LRBA: variants seen among roughly 807,000 people sequenced by gnomAD.
LRBA encodes LPS responsive beige-like anchor protein.
Under a neutral mutation model 330.0 loss-of-function variants are expected in LRBA, and 176 were observed. The ratio of observed to expected loss-of-function variants is 0.53; its 90% CI spans 0.47 to 0.60. The LOEUF (loss-of-function observed/expected upper bound fraction) is 0.60, where lower values mean the gene tolerates loss of function less well. LRBA is among the 20% of genes least tolerant of loss of function. The pLI, the probability that LRBA is intolerant of heterozygous loss-of-function variation, is 0.00. For missense variants in LRBA, 3,259 were observed against 3,444.8 expected, an observed-to-expected ratio of 0.95 and a Z score of 1.35; for synonymous variants, 1,230 against 1,193.0, an observed-to-expected ratio of 1.03 and a Z score of -0.64.
At chr4:150,559,713 TTATAG>T (rs1256502845) in intron 40 of LRBA, among the ~76,000 whole-genome samples, 1 of 89,640 alleles carries the variant, frequency 1.1e-5, no homozygotes, top group African/African-American at 4.7e-5. Flanking sequence ...TTATATAATA[TTATAG>T]ATTATATAAT....
chr4:150,629,654 C>T lies in LRBA; in HGVS notation c.5922-30523G>A, dbSNP rs187126629. On this transcript the variant is annotated intron_variant, in intron 37 of 56. Coordinates refer to ENST00000651943, the MANE Select transcript of LRBA (RefSeq NM_001364905.1). ...AAGACCCTGTGTAAACAAAATAAAA[C>T]AATAAAAAGGTATATAAAGAAATAC... is the stretch of plus-strand genomic sequence containing the variant. Among the ~76,000 whole-genome samples, 610 of 151,496 alleles carry T rather than the reference C, an allele frequency of 4.0e-3. 24 individuals carry two copies. Among genetic ancestry groups the T allele is most frequent in the Admixed American group, 0.038 (578 of 15,176 alleles).
chr4:150,320,040 G>T (rs879614423), intron 50 of LRBA, among the ~76,000 whole-genome samples: 5 of 152,130 alleles, frequency 3.3e-5, no homozygotes, highest in Non-Finnish European at 7.4e-5. Context: ...ATCTCCAGAA[G>T]TTTAAAAGAT....
In LRBA at chr4:150,583,644, C is replaced by T. The variant is rs1475058167; in HGVS notation, c.6330+4404G>A. The stretch of plus-strand genomic sequence containing the variant: ...CCAATCGGGTGGCCGAGGTCAAGGC[C>T]GAAGGGTTCAACTTGCTCTCGAAGG... On this transcript the variant is annotated intron_variant, in intron 40 of 56. Coordinates refer to ENST00000651943, the MANE Select transcript of LRBA (RefSeq NM_001364905.1). This position sits in a 1 kb window ranked among gnomAD's most constrained non-coding sequence, Gnocchi z 9.8. The T allele has an allele frequency of 1.2e-6, 2 of 1,613,890 alleles. No individual in the cohort carries two copies. The highest frequency in any genetic ancestry group is 3.3e-5 in the Admixed American group (2 of 60,004).
At chr4:150,384,808 G>T (rs1266278236) in intron 47 of LRBA, among the ~76,000 whole-genome samples, 3 of 151,798 alleles carry the variant, frequency 2.0e-5, no homozygotes, top group Non-Finnish European at 2.9e-5. Flanking sequence ...GGAGGAAGGA[G>T]ATAAGGGCTT....
intron 40 of LRBA, among the ~76,000 whole-genome samples, chr4:150,555,788 A>ACACACAC (rs1554054001): frequency 1.5e-4 from 15 of 101,184 alleles, no homozygotes; most frequent in African/African-American, 4.4e-4. Flanking sequence ...CACACACACA[A>ACACACAC]ACAAATAGAA....
In LRBA at chr4:150,609,039, G is replaced by A. The variant is rs545449028; in HGVS notation, c.5922-9908C>T. 9.2e-5 allele frequency among the ~76,000 whole-genome samples: 14 copies of A among 152,258 alleles called. No homozygotes were observed. In the South Asian group the frequency reaches 1.9e-3, roughly 20 times the overall value. On this transcript the variant is annotated intron_variant, in intron 37 of 56. Transcript: ENST00000651943. ...ACTTGAGTTGTTTCCATTTTGTGGG[G>A]ATCTTTGGGTTTTACGATGAGAAAA...
intron 2 of LRBA, among the ~76,000 whole-genome samples, chr4:150,952,029 G>A (rs1364895260): frequency 6.6e-6 from 1 of 152,166 alleles, no homozygotes; most frequent in Non-Finnish European, 1.5e-5. Flanking sequence ...GTTTGCAAAT[G>A]TATCTTCCAT....
chr4:150,922,532 G>A (rs578115635), intron 4 of LRBA, among the ~76,000 whole-genome samples: 27 of 152,096 alleles, frequency 1.8e-4, no homozygotes, highest in African/African-American at 6.5e-4. Flanking sequence ...AAACCAAACA[G>A]TGTATGTTCT....
chr4:150,389,117 T>C (rs540381738), intron 47 of LRBA, among the ~76,000 whole-genome samples: 5 of 152,222 alleles, frequency 3.3e-5, no homozygotes, highest in South Asian at 4.2e-4. Flanking sequence ...TTGTAAAAGA[T>C]CCAAAAGAAT....
At chr4:150,534,519 A>T (rs1764431934) in intron 40 of LRBA, among the ~76,000 whole-genome samples, 1 of 151,976 alleles carries the variant, frequency 6.6e-6, no homozygotes, top group African/African-American at 2.4e-5. Flanking sequence ...ATTACCTGTC[A>T]TAGTTACATT....
chr4:150,799,984 A>T (rs1419589301), intron 33 of LRBA, among the ~76,000 whole-genome samples: 1 of 152,234 alleles, frequency 6.6e-6, no homozygotes, highest in Admixed American at 6.5e-5. Context: ...ACCTCAGGTG[A>T]TTCGCCAACC....
chr4:150,977,736 T>G (rs917834381), intron 2 of LRBA, among the ~76,000 whole-genome samples: 1 of 152,174 alleles, frequency 6.6e-6, no homozygotes, highest in African/African-American at 2.4e-5. Context: ...CCTTGGGCCT[T>G]AAGCGAACAT....
intron 31 of LRBA, among the ~76,000 whole-genome samples, chr4:150,816,345 C>T (rs1744588825): frequency 6.6e-6 from 1 of 151,952 alleles, no homozygotes; most frequent in East Asian, 1.9e-4. Flanking sequence ...GCAAAATATC[C>T]AGAAGAAAAC....
intron 40 of LRBA, among the ~76,000 whole-genome samples, chr4:150,502,205 A>T (rs951358213): frequency 2.0e-5 from 3 of 152,200 alleles, no homozygotes; most frequent in Admixed American, 1.3e-4. Context: ...GCTCACACAG[A>T]ATGTAAAAAT....
At chr4:150,559,728 T>TATATA (rs1395692284) in intron 40 of LRBA, among the ~76,000 whole-genome samples, 3 of 90,214 alleles carry the variant, frequency 3.3e-5, no homozygotes, top group African/African-American at 1.4e-4. Context: ...GATTATATAA[T>TATATA]ATATAATATA....
chr4:150,421,648 T>C (rs1454042257), intron 46 of LRBA, among the ~76,000 whole-genome samples: 1 of 152,152 alleles, frequency 6.6e-6, no homozygotes, highest in Non-Finnish European at 1.5e-5. Context: ...AGTTTCTCCA[T>C]AGCCCTTGAT....
intron 36 of LRBA, among the ~76,000 whole-genome samples, chr4:150,689,663 C>T (rs1411312108): frequency 6.6e-6 from 1 of 152,146 alleles, no homozygotes; most frequent in Non-Finnish European, 1.5e-5. Context: ...AGATGGCTCA[C>T]ATCTGTAATC....
In LRBA at chr4:150,487,695, A is replaced by G. The variant is rs1209174875; in HGVS notation, c.6551+37T>C. 2.5e-6 allele frequency: 3 copies of G among 1,193,332 alleles called. No individual in the cohort carries two copies. In the South Asian group the frequency reaches 4.0e-5, roughly 16 times the overall value. The allele number at this position is 1,193,332 out of a possible 1,614,324, so 73.9% of individuals were successfully genotyped here. A position where few individuals can be genotyped will look rare whatever the true frequency, so the allele number is the denominator to read the frequency against. Reference sequence around the variant, plus strand: ...GGTTAATTATTATAACTATTAAGACACTTTACTTTCCCTAAGTTTCTCATA... The same window carrying G: ...GGTTAATTATTATAACTATTAAGACGCTTTACTTTCCCTAAGTTTCTCATA... On this transcript the variant is annotated intron_variant, in intron 42 of 56. Coordinates refer to ENST00000651943, the MANE Select transcript of LRBA (RefSeq NM_001364905.1).
At chr4:150,623,756 C>G (rs764976386) in intron 37 of LRBA, among the ~76,000 whole-genome samples, 1 of 151,922 alleles carries the variant, frequency 6.6e-6, no homozygotes, top group Non-Finnish European at 1.5e-5. Context: ...CAATTTGAAT[C>G]GTGAACTGAG....
Sources: allele counts gnomAD v4.1 joint callset (sites outside exome capture counted in the v4.1 genomes callset), GRCh38; gene constraint gnomAD v4.1.1; non-coding constraint Gnocchi (gnomAD v3.1); transcripts MANE v1.5; gene names NCBI Gene and HGNC (gene_info 2026-07-23, HGNC 2026-07-21).